The following MEGF11 variants were observed in gnomAD, a reference collection of about 807,000 sequenced individuals.
The protein encoded by MEGF11 is multiple epidermal growth factor-like domains protein 11.
In MEGF11, 126 loss-of-function variants were observed where a neutral mutation model predicts 146.6. The ratio of observed to expected loss-of-function variants is 0.86; its 90% CI spans 0.74 to 1.00. MEGF11 has a LOEUF of 1.00. Among genes scored for constraint, MEGF11 ranks in the 50% least tolerant of loss-of-function variants. The probability of loss-of-function intolerance (pLI) is 0.00; values close to 1 mark genes in which losing one functional copy is unlikely to be tolerated. For missense variants in MEGF11, 1,509 were observed against 1,521.2 expected (o/e 0.99, Z 0.13); for synonymous variants, 532 against 583.4 (o/e 0.91, Z 1.27).
At chr15:66,109,735 A>G (rs2087289388) in intron 4 of MEGF11, among the ~76,000 whole-genome samples, 1 of 152,180 alleles carries the variant, frequency 6.6e-6, no homozygotes, top group Non-Finnish European at 1.5e-5. Flanking sequence ...GACTCAGCTC[A>G]AAACTCACCT....
chr15:65,898,266 A>AT, intron 25 of MEGF11, 172 bp from the exon 26 acceptor site: 1 of 985,404 alleles, frequency 1.0e-6, no homozygotes, highest in Non-Finnish European at 1.2e-6. Flanking sequence ...AACTAAGTGA[A>AT]TGTGCTGTCA....
At chr15:66,198,007 T>C (rs1440853330) in intron 1 of MEGF11, among the ~76,000 whole-genome samples, 1 of 152,214 alleles carries the variant, frequency 6.6e-6, no homozygotes, top group Non-Finnish European at 1.5e-5. Context: ...GGAGGATCGC[T>C]AGAGCTCAGG....
chr15:66,000,086 G>T (rs536146657), intron 5 of MEGF11, among the ~76,000 whole-genome samples: 1 of 152,336 alleles, frequency 6.6e-6, no homozygotes, highest in South Asian at 2.1e-4. Context: ...GGAAGCCAGG[G>T]CATTTATCCA....
At chr15:66,048,526 C>G (rs886309300) in intron 5 of MEGF11, among the ~76,000 whole-genome samples, 1 of 152,260 alleles carries the variant, frequency 6.6e-6, no homozygotes, top group Non-Finnish European at 1.5e-5. Context: ...CCCAGCCACC[C>G]TGACTCCCTG....
chr15:65,964,495 G>A (rs528985888), intron 9 of MEGF11, among the ~76,000 whole-genome samples: 24 of 150,236 alleles, frequency 1.6e-4, no homozygotes, highest in African/African-American at 5.6e-4. Context: ...TCTCTGGTTG[G>A]ATGCCACGCA....
intron 1 of MEGF11, among the ~76,000 whole-genome samples, chr15:66,174,321 T>G (rs775490379): frequency 6.6e-5 from 10 of 152,118 alleles, no homozygotes; most frequent in Non-Finnish European, 1.2e-4. Context: ...AAACCTCTGG[T>G]AACAGCCCTA....
At chr15:66,230,575 G>A (rs1429830914) in intron 1 of MEGF11, among the ~76,000 whole-genome samples, 4 of 152,228 alleles carry the variant, frequency 2.6e-5, no homozygotes, top group Non-Finnish European at 5.9e-5. Context: ...TAATAATAAT[G>A]ATAGATGTCT....
chr15:65,925,395 G>A (rs1183672617), intron 13 of MEGF11, among the ~76,000 whole-genome samples: 2 of 152,226 alleles, frequency 1.3e-5, no homozygotes, highest in East Asian at 1.9e-4. Flanking sequence ...TTCTGTGGGA[G>A]TGGGGCTGTT....
chr15:66,220,300 G>A (rs901525774), intron 1 of MEGF11, among the ~76,000 whole-genome samples: 14 of 150,854 alleles, frequency 9.3e-5, no homozygotes, highest in East Asian at 3.9e-4. Flanking sequence ...CGAATACACC[G>A]TGGAATACTA....
At chr15:65,992,606 T>C (rs1032570315) in intron 5 of MEGF11, among the ~76,000 whole-genome samples, 1 of 151,648 alleles carries the variant, frequency 6.6e-6, no homozygotes, top group Non-Finnish European at 1.5e-5. Context: ...GGTGGGAAGA[T>C]GGGAAAGTCA....
Position 65,922,427 on chromosome 15 carries a change from G to C in MEGF11, c.1868C>G (p.Pro623Arg), listed in dbSNP as rs1596843914. ...GGGCCTGCTGCTGTGCACGCAGAGGGGGCATGGCTGGGCGCAGCCGTGGCC... is the reference window on the plus strand; with the variant it reads ...GGGCCTGCTGCTGTGCACGCAGAGGCGGCATGGCTGGGCGCAGCCGTGGCC... ...FYGHGCAQPC[P>R]LCVHSSRPCH... Residue 623 changes from proline to arginine, a missense_variant, in exon 15 of 26, where the codon CCC (proline) becomes CGC (arginine). Pro to Arg is a moderately radical substitution (Grantham distance 103). Coordinates refer to ENST00000395614, the MANE Select transcript of MEGF11 (RefSeq NM_001385028.1). The C allele has an allele frequency of 6.3e-7, 1 of 1,587,658 alleles. No individual in the cohort carries two copies. The highest frequency in any genetic ancestry group is 8.6e-7 in the Non-Finnish European group (1 of 1,167,772).
At chr15:66,043,605 A>G (rs2084079343) in intron 5 of MEGF11, among the ~76,000 whole-genome samples, 1 of 152,246 alleles carries the variant, frequency 6.6e-6, no homozygotes, top group Admixed American at 6.5e-5. Context: ...GTTTTCACAC[A>G]CTGCAATCTA....
intron 1 of MEGF11, among the ~76,000 whole-genome samples, chr15:66,224,106 C>T (rs76284772): frequency 0.027 from 4,160 of 152,296 alleles, 86 homozygotes; most frequent in Non-Finnish European, 0.04. Flanking sequence ...TAACTGCAGT[C>T]TCCAGAACCA....
chr15:66,047,801 T>TC (rs2084274409), intron 5 of MEGF11, among the ~76,000 whole-genome samples: 1 of 151,252 alleles, frequency 6.6e-6, no homozygotes, highest in Admixed American at 6.6e-5. Context: ...TACAGGGACG[T>TC]CCCCCAGGAC....
At chr15:66,039,573 C>T (rs901889767) in intron 5 of MEGF11, among the ~76,000 whole-genome samples, 5 of 152,332 alleles carry the variant, frequency 3.3e-5, no homozygotes, top group Non-Finnish European at 5.9e-5. Context: ...GACTGCCCAA[C>T]GTAACTCAGG....
chr15:66,188,828 C>T (rs567972191), intron 1 of MEGF11, among the ~76,000 whole-genome samples: 3 of 152,190 alleles, frequency 2.0e-5, no homozygotes, highest in Admixed American at 6.5e-5. Context: ...GAAAGAAAAT[C>T]GAAAGTTAAC....
In MEGF11 at chr15:66,139,103, TTGGC is replaced by T. The variant is rs2089026314; in HGVS notation, c.-8-10696_-8-10693del. Among the ~76,000 whole-genome samples the T allele has an allele frequency of 3.9e-5, 6 of 152,346 alleles. No homozygotes were observed. In the South Asian group the frequency reaches 1.2e-3, roughly 32 times the overall value. ...TTCCAAGTCTGGACCAGAGGCCAAT[TTGGC>T]TGCATTTCTGGCCTAGGCTGTGTCT... On this transcript the variant is annotated intron_variant, in intron 1 of 25. Transcript: ENST00000395614.
chr15:65,980,103 C>A (rs1289727019), intron 7 of MEGF11, among the ~76,000 whole-genome samples: 1 of 152,190 alleles, frequency 6.6e-6, no homozygotes, highest in Admixed American at 6.5e-5. Context: ...TCCATACCTG[C>A]TGTTTCTCCT....
intron 1 of MEGF11, among the ~76,000 whole-genome samples, chr15:66,161,200 C>T (rs954711442): frequency 2.0e-5 from 3 of 152,090 alleles, no homozygotes; most frequent in Non-Finnish European, 4.4e-5. Flanking sequence ...CTTGACAGGC[C>T]GGAGCAATGT....
Sources: gnomAD v4.1 joint callset for allele counts (sites outside exome capture counted in the v4.1 genomes callset) on GRCh38, gnomAD v4.1.1 for gene constraint, MANE v1.5 for transcripts, NCBI Gene and HGNC (gene_info 2026-07-23, HGNC 2026-07-21) for gene names.